The following RAI14 variants were observed in gnomAD, a reference collection of about 807,000 sequenced individuals.
The protein encoded by RAI14 is retinoic acid induced 14.
In RAI14, 45 loss-of-function variants were observed where a neutral mutation model predicts 115.4. The observed-to-expected ratio is 0.39, with a 90% CI of 0.31 to 0.50. RAI14 has a LOEUF of 0.50. Among genes scored for constraint, RAI14 ranks in the 20% least tolerant of loss-of-function variants. RAI14 has a pLI of 0.85. For missense variants in RAI14, 939 were observed against 1,131.2 expected (o/e 0.83, Z 2.44); for synonymous variants, 371 against 415.4 (o/e 0.89, Z 1.30).
At chr5:34,727,120 A>G (rs1240010403) in intron 2 of RAI14, among the ~76,000 whole-genome samples, 1 of 152,180 alleles carries the variant, frequency 6.6e-6, no homozygotes, top group Non-Finnish European at 1.5e-5. Context: ...TGATAGTGAT[A>G]TGGACAATGA....
intron 3 of RAI14, among the ~76,000 whole-genome samples, chr5:34,766,108 A>C (rs1749315929): frequency 6.6e-6 from 1 of 152,204 alleles, no homozygotes; most frequent in Admixed American, 6.5e-5. Flanking sequence ...CCCAGGCAGA[A>C]GTTTGCTGCA....
At position 34,788,577 on chromosome 5, in the gene RAI14, T is replaced by C. The variant is rs1282662142; in HGVS notation, c.168-7362T>C. On this transcript the variant is annotated intron_variant, in intron 3 of 17. Coordinates refer to ENST00000265109, the MANE Select transcript of RAI14 (RefSeq NM_015577.3). ...ATATATGAATGAGTACTTCTGGCTATAGAAGTAGCAGTACTTGTAAAAAAT... is the reference window on the plus strand; with the variant it reads ...ATATATGAATGAGTACTTCTGGCTACAGAAGTAGCAGTACTTGTAAAAAAT... Among the ~76,000 whole-genome samples, 4 of 152,324 alleles carry C rather than the reference T, an allele frequency of 2.6e-5. No individual in the cohort carries two copies. In the East Asian group the frequency reaches 7.7e-4, roughly 29 times the overall value.
At chr5:34,664,716 C>T (rs1250515554) in intron 1 of RAI14, among the ~76,000 whole-genome samples, 1 of 151,054 alleles carries the variant, frequency 6.6e-6, no homozygotes, top group Non-Finnish European at 1.5e-5. Context: ...TTTGGTGTAC[C>T]CATCACCTGA....
intron 2 of RAI14, among the ~76,000 whole-genome samples, chr5:34,696,243 G>A (rs575998296): frequency 4.3e-4 from 65 of 151,968 alleles, no homozygotes; most frequent in Non-Finnish European, 8.2e-4. Context: ...GGTTTCTGCC[G>A]TTCTCCTGCC....
chr5:34,659,859 T>C (rs961618421), intron 1 of RAI14, among the ~76,000 whole-genome samples: 7 of 152,246 alleles, frequency 4.6e-5, no homozygotes, highest in Non-Finnish European at 1.0e-4. Context: ...GGATTATTTT[T>C]TTCTTTTTTC....
chr5:34,786,222 G>A (rs986105770), intron 3 of RAI14, among the ~76,000 whole-genome samples: 1 of 152,170 alleles, frequency 6.6e-6, no homozygotes, highest in East Asian at 1.9e-4. Context: ...TGTTGATCTG[G>A]GGGGGTGTAT....
intron 3 of RAI14, among the ~76,000 whole-genome samples, chr5:34,770,858 A>G (rs1561339121): frequency 6.6e-6 from 1 of 152,228 alleles, no homozygotes; most frequent in Non-Finnish European, 1.5e-5. Context: ...TTTTTAAAAT[A>G]TTATTTAATA....
chr5:34,719,227 G>A (rs1223654159), intron 2 of RAI14, among the ~76,000 whole-genome samples: 1 of 152,142 alleles, frequency 6.6e-6, no homozygotes, highest in East Asian at 1.9e-4. Context: ...CCTTAACTGA[G>A]GCTTTTGGCC....
intron 3 of RAI14, among the ~76,000 whole-genome samples, chr5:34,771,674 C>T (rs772274397): frequency 6.6e-6 from 1 of 152,108 alleles, no homozygotes; most frequent in Non-Finnish European, 1.5e-5. Flanking sequence ...GGAAGGTTTG[C>T]ACAACTTGTT....
chr5:34,696,572 G>C (rs1188814530), intron 2 of RAI14, among the ~76,000 whole-genome samples: 1 of 152,222 alleles, frequency 6.6e-6, no homozygotes, highest in Non-Finnish European at 1.5e-5. Flanking sequence ...CTCGAAACCA[G>C]TTAAGCCTCA....
rs748933987 is a variant in RAI14 at position 34,829,725 on chromosome 5, T to G, written c.2800-7T>G. On this transcript the variant is annotated splice_region_variant and splice_polypyrimidine_tract_variant and intron_variant, in intron 16 of 17. Transcript: ENST00000265109. ...CTCATTAATAATGTGAAATATTCCC[T>G]TTCTAGGAATGCAAGAAACAACACC... 6.2e-7 allele frequency: 1 copy of G among 1,605,188 alleles called. No individual in the cohort carries two copies. Among genetic ancestry groups the G allele is most frequent in the Non-Finnish European group, 8.5e-7 (1 of 1,173,626 alleles).
chr5:34,781,974 G>A (rs1561355423), intron 3 of RAI14, among the ~76,000 whole-genome samples: 5 of 152,204 alleles, frequency 3.3e-5, no homozygotes, highest in Admixed American at 3.3e-4. Context: ...ATTCCTTATG[G>A]GAAATATAGG....
At chr5:34,787,690 G>C (rs904584795) in intron 3 of RAI14, among the ~76,000 whole-genome samples, 2 of 151,962 alleles carry the variant, frequency 1.3e-5, no homozygotes, top group African/African-American at 4.8e-5. Flanking sequence ...TGCCAGCTTT[G>C]TGAATATACT....
At position 34,811,190 on chromosome 5, in the gene RAI14, C is replaced by T. The variant is rs186324883; in HGVS notation, c.557+72C>T. ...ATTCTGAGAGTATTTCAAAATATCA[C>T]AGCTATATTTTGGATCATTTGTTAT... On this transcript the variant is annotated intron_variant, in intron 8 of 17. Transcript: ENST00000265109. The T allele has an allele frequency of 7.6e-5, 114 of 1,505,656 alleles. No individual in the cohort carries two copies. The African/African-American group carries it at 1.5e-3, about 20-fold the overall frequency. The allele number at this position is 1,505,656 out of a possible 1,614,324, so 93.3% of individuals were successfully genotyped here. A position where few individuals can be genotyped will look rare whatever the true frequency, so the allele number is the denominator to read the frequency against.
intron 2 of RAI14, among the ~76,000 whole-genome samples, chr5:34,727,407 C>A (rs1743598737): frequency 6.6e-6 from 1 of 152,178 alleles, no homozygotes; most frequent in South Asian, 2.1e-4. Flanking sequence ...GGAAGAAATT[C>A]AAGTCTGTTG....
chr5:34,676,792 T>C (rs969713126), intron 1 of RAI14, among the ~76,000 whole-genome samples: 4 of 152,248 alleles, frequency 2.6e-5, no homozygotes, highest in Non-Finnish European at 4.4e-5. Flanking sequence ...AGAGTTTTAC[T>C]ACGTGATCAT....
intron 3 of RAI14, among the ~76,000 whole-genome samples, chr5:34,777,773 C>T (rs1218716227): frequency 1.3e-5 from 2 of 151,008 alleles, no homozygotes; most frequent in South Asian, 2.1e-4. Flanking sequence ...AGCGAGACTC[C>T]GTCTCAAAAA....
intron 2 of RAI14, chr5:34,687,581 G>A (rs1738004142): frequency 2.7e-6 from 4 of 1,490,930 alleles, no homozygotes; most frequent in African/African-American, 2.8e-5. Flanking sequence ...TAGCAGAGGG[G>A]TTGTACACGA....
chr5:34,757,707 C>T, intron 3 of RAI14, 109 bp downstream of exon 3: 1 of 1,341,190 alleles, frequency 7.5e-7, no homozygotes, highest in Non-Finnish European at 9.9e-7. Flanking sequence ...TCTCCACTCC[C>T]ATGTTGAAAT....
Sources: allele counts gnomAD v4.1 joint callset (sites outside exome capture counted in the v4.1 genomes callset), GRCh38; gene constraint gnomAD v4.1.1; transcripts MANE v1.5; gene names NCBI Gene and HGNC (gene_info 2026-07-23, HGNC 2026-07-21).